Variants in RANBP3L observed in about 807,000 individuals in gnomAD.
The protein encoded by RANBP3L is RAN binding protein 3 like, also known as ran-binding protein 3-like.
Under a neutral mutation model 67.2 loss-of-function variants are expected in RANBP3L, and 56 were observed. That is an observed-to-expected ratio of 0.83 (90% confidence interval 0.67 to 1.04). The LOEUF (loss-of-function observed/expected upper bound fraction) is 1.04, where lower values mean the gene tolerates loss of function less well. Ranked by LOEUF, RANBP3L falls within the 50% of genes least tolerant of loss-of-function variation. The pLI is 0.00. For synonymous variants in RANBP3L, 164 were observed against 181.4 expected (o/e 0.90, Z 0.77); for missense variants, 496 against 535.5 (o/e 0.93, Z 0.73).
At chr5:36,276,659 T>C (rs1273703184) in intron 1 of RANBP3L, among the ~76,000 whole-genome samples, 2 of 152,164 alleles carry the variant, frequency 1.3e-5, no homozygotes, top group Non-Finnish European at 2.9e-5. Flanking sequence ...GTCCCTACCT[T>C]TTATTTCCAT....
intron 1 of RANBP3L, among the ~76,000 whole-genome samples, chr5:36,289,541 C>G (rs1243575628): frequency 2.6e-5 from 4 of 152,122 alleles, no homozygotes; most frequent in Non-Finnish European, 5.9e-5. Context: ...TGGGATGTAT[C>G]TCTTCTTATA....
Position 36,268,165 on chromosome 5 carries a change from G to A in RANBP3L, c.268+1225C>T, listed in dbSNP as rs558986781. ...AATGATTTTGAAAAGTCAGTGTCAG[G>A]CTTGAGGTTCTAGAAACTCTTTATT... On this transcript the variant is annotated intron_variant, in intron 4 of 13. Coordinates refer to ENST00000296604, the MANE Select transcript of RANBP3L (RefSeq NM_145000.5). 2.1e-6 allele frequency: 3 copies of A among 1,421,042 alleles called. No homozygotes were observed. In the East Asian group the frequency reaches 7.8e-5, roughly 37 times the overall value. 88.0% of individuals were successfully genotyped at this position (1,421,042 alleles called of 1,614,324 possible).
intron 2 of RANBP3L, among the ~76,000 whole-genome samples, chr5:36,270,813 A>G (rs6886098): frequency 0.88 from 133,483 of 152,246 alleles, 59,667 homozygotes; most frequent in Non-Finnish European, 0.97. Flanking sequence ...TCTTACTGTT[A>G]GTCTTTCAAA....
At chr5:36,295,199 C>T (rs1303417884) in intron 1 of RANBP3L, among the ~76,000 whole-genome samples, 4 of 151,838 alleles carry the variant, frequency 2.6e-5, no homozygotes, top group Non-Finnish European at 4.4e-5. Flanking sequence ...TGAGGAACTG[C>T]GTGATATGGT....
intron 1 of RANBP3L, among the ~76,000 whole-genome samples, chr5:36,276,525 A>T (rs2111961694): frequency 6.6e-6 from 1 of 152,306 alleles, no homozygotes; most frequent in Non-Finnish European, 1.5e-5. Context: ...CTATGCATAT[A>T]TTTAATTGCT....
At chr5:36,281,246 C>T (rs997195959) in intron 1 of RANBP3L, among the ~76,000 whole-genome samples, 1 of 152,088 alleles carries the variant, frequency 6.6e-6, no homozygotes, top group African/African-American at 2.4e-5. Context: ...AGAGTTGTAA[C>T]GATTCAGCAA....
At chr5:36,284,000 T>C (rs961472072) in intron 1 of RANBP3L, among the ~76,000 whole-genome samples, 9 of 151,956 alleles carry the variant, frequency 5.9e-5, no homozygotes, top group African/African-American at 2.2e-4. Flanking sequence ...TTTTTTTTTT[T>C]GAGATGGAGT....
chr5:36,268,203 A>G, intron 4 of RANBP3L: 1 of 1,537,424 alleles, frequency 6.5e-7, no homozygotes, highest in African/African-American at 1.4e-5. Context: ...CTGGCCCAGA[A>G]TGGGGGAAGG....
rs181446816 is a variant in RANBP3L, at chr5:36,300,346, G to A, written c.91+980C>T. On this transcript the variant is annotated intron_variant, in intron 1 of 13. Coordinates refer to ENST00000296604, the MANE Select transcript of RANBP3L (RefSeq NM_145000.5). ...TATGCTAAGCCTTGTAGAGCATGAAGTCATGTTATACAGCTCCAGGAACCG... is the reference window on the plus strand; with the variant it reads ...TATGCTAAGCCTTGTAGAGCATGAAATCATGTTATACAGCTCCAGGAACCG... 2.4e-3 allele frequency among the ~76,000 whole-genome samples: 368 copies of A among 152,282 alleles called. 1 individual carries two copies. Among genetic ancestry groups the A allele is most frequent in the African/African-American group, 8.4e-3 (349 of 41,550 alleles).
intron 1 of RANBP3L, among the ~76,000 whole-genome samples, chr5:36,281,450 T>C (rs1439234686): frequency 6.6e-6 from 1 of 152,188 alleles, no homozygotes; most frequent in Non-Finnish European, 1.5e-5. Context: ...GAGACTATAA[T>C]GCATGAGAGC....
intron 1 of RANBP3L, among the ~76,000 whole-genome samples, chr5:36,286,929 C>G (rs139213112): frequency 6.6e-6 from 1 of 152,166 alleles, no homozygotes; most frequent in Non-Finnish European, 1.5e-5. Context: ...TTATGACACT[C>G]TATGCTGCCT....
intron 1 of RANBP3L, among the ~76,000 whole-genome samples, chr5:36,285,228 C>T (rs1369352870): frequency 6.6e-6 from 1 of 152,180 alleles, no homozygotes; most frequent in Non-Finnish European, 1.5e-5. Context: ...TCTCAAATAA[C>T]TTGTACAACA....
At chr5:36,299,091 G>A (rs986043923) in intron 1 of RANBP3L, among the ~76,000 whole-genome samples, 15 of 152,064 alleles carry the variant, frequency 9.9e-5, no homozygotes, top group East Asian at 3.9e-4. Flanking sequence ...GCAAAAAAAC[G>A]TGAAAAGGTG....
chr5:36,273,845 T>G (rs1432339816), intron 1 of RANBP3L, among the ~76,000 whole-genome samples: 1 of 152,232 alleles, frequency 6.6e-6, no homozygotes, highest in African/African-American at 2.4e-5. Context: ...GATGTTAAAA[T>G]TAAGTTTAGC....
intron 8 of RANBP3L, among the ~76,000 whole-genome samples, chr5:36,258,711 G>A (rs1413943445): frequency 4.6e-5 from 7 of 152,160 alleles, no homozygotes; most frequent in East Asian, 1.9e-4. Context: ...AACAAAACCC[G>A]TAGTCCTGAC....
In RANBP3L at chr5:36,301,487, G is replaced by T; in HGVS notation, c.-71C>A. The T allele has an allele frequency of 8.9e-7, 1 of 1,121,124 alleles. No individual in the cohort carries two copies. Among genetic ancestry groups the T allele is most frequent in the Non-Finnish European group, 1.3e-6 (1 of 741,434 alleles). The allele number at this position is 1,121,124 out of a possible 1,614,324, so 69.4% of individuals were successfully genotyped here. ...CTTCTCTGGCCAGTCACCTAAAGTG[G>T]CCTTCACCAGACACCCAGAAATACA... On this transcript the variant is annotated 5_prime_UTR_variant, in exon 1 of 14. Coordinates refer to ENST00000296604, the MANE Select transcript of RANBP3L (RefSeq NM_145000.5).
At chr5:36,272,650 T>A (rs2111917125) in intron 1 of RANBP3L, among the ~76,000 whole-genome samples, 1 of 152,306 alleles carries the variant, frequency 6.6e-6, no homozygotes, top group South Asian at 2.1e-4. Context: ...TTTTTGTTTT[T>A]TTGTGAGACA....
chr5:36,267,381 G>T, intron 4 of RANBP3L, among the ~76,000 whole-genome samples: 1 of 151,936 alleles, frequency 6.6e-6, no homozygotes, highest in Non-Finnish European at 1.5e-5. Context: ...GGTGGTGTGC[G>T]CCTGTAGTCC....
At chr5:36,300,975 G>A (rs1752570190) in intron 1 of RANBP3L, among the ~76,000 whole-genome samples, 1 of 152,166 alleles carries the variant, frequency 6.6e-6, no homozygotes, top group South Asian at 2.1e-4. Flanking sequence ...TACTATGGTA[G>A]AGAAAGCTCC....
Sources: allele counts gnomAD v4.1 joint callset (sites outside exome capture counted in the v4.1 genomes callset), GRCh38; gene constraint gnomAD v4.1.1; transcripts MANE v1.5; gene names NCBI Gene and HGNC (gene_info 2026-07-23, HGNC 2026-07-21).